KDM4C: variants seen among roughly 807,000 people sequenced by gnomAD.
The protein encoded by KDM4C is lysine demethylase 4C, also known as lysine-specific demethylase 4C.
A neutral mutation model predicts 129.3 loss-of-function variants in KDM4C; 81 were observed. The ratio of observed to expected loss-of-function variants is 0.63; its 90% CI spans 0.52 to 0.75. The LOEUF (loss-of-function observed/expected upper bound fraction) is 0.75, where lower values mean the gene tolerates loss of function less well. Among genes scored for constraint, KDM4C ranks in the 30% least tolerant of loss-of-function variants. The pLI, the probability that KDM4C is intolerant of heterozygous loss-of-function variation, is 0.00. For missense variants in KDM4C, 1,457 were observed against 1,304.0 expected (o/e 1.12, Z -1.81); for synonymous variants, 573 against 456.1 (o/e 1.26, Z -3.26).
intron 2 of KDM4C, among the ~76,000 whole-genome samples, chr9:6,798,788 G>A (rs1256200879): frequency 6.6e-6 from 1 of 152,290 alleles, no homozygotes; most frequent in Non-Finnish European, 1.5e-5. Context: ...GCCGGGCAGA[G>A]GGGCTCCTCA....
intron 4 of KDM4C, among the ~76,000 whole-genome samples, chr9:6,831,653 C>CTTTA (rs1834856214): frequency 6.6e-6 from 1 of 152,086 alleles, no homozygotes; most frequent in East Asian, 1.9e-4. Context: ...ATGATGAGAT[C>CTTTA]TTTACCCTCA....
chr9:6,747,253 C>T (rs1353376091), intron 1 of KDM4C, among the ~76,000 whole-genome samples: 2 of 151,344 alleles, frequency 1.3e-5, no homozygotes, highest in Non-Finnish European at 2.9e-5. Context: ...ATTTAAGACA[C>T]AAGAATATAG....
At chr9:6,722,517 A>ATTT (rs71315551) in intron 1 of KDM4C, among the ~76,000 whole-genome samples, 1 of 134,712 alleles carries the variant, frequency 7.4e-6, no homozygotes, top group Non-Finnish European at 1.7e-5. Context: ...ATGTCTATAT[A>ATTT]TTTTTTTTTT....
chr9:7,051,921 T>C (rs1317777997), intron 17 of KDM4C, among the ~76,000 whole-genome samples: 1 of 152,208 alleles, frequency 6.6e-6, no homozygotes, highest in African/African-American at 2.4e-5. Flanking sequence ...TGGAGGACTG[T>C]CATGTGCATC....
intron 12 of KDM4C, among the ~76,000 whole-genome samples, chr9:7,002,811 G>A (rs948293533): frequency 6.6e-6 from 1 of 152,196 alleles, no homozygotes; most frequent in Non-Finnish European, 1.5e-5. Flanking sequence ...AAGCTAGTAA[G>A]TGGTAGATAA....
intron 8 of KDM4C, among the ~76,000 whole-genome samples, chr9:6,959,861 C>G (rs971230388): frequency 6.6e-5 from 10 of 151,996 alleles, no homozygotes; most frequent in Admixed American, 2.0e-4. Context: ...TATTTAAAGC[C>G]TCTTAAAATG....
At chr9:6,980,224 A>T (rs1031780047) in intron 8 of KDM4C, among the ~76,000 whole-genome samples, 3 of 152,214 alleles carry the variant, frequency 2.0e-5, no homozygotes, top group Admixed American at 6.5e-5. Context: ...TGAAGTCTTT[A>T]TAGAAAACTT....
Position 7,013,816 on chromosome 9 carries a change from C to G in KDM4C, c.1997C>G (p.Ala666Gly). Residue 666 changes from alanine to glycine, a missense_variant, in exon 14 of 22, where the codon GCT becomes GGT. Coordinates refer to ENST00000381309, the MANE Select transcript of KDM4C (RefSeq NM_015061.6). ...KPDSSNEEND[A>G]RWETKLDEVV... ...GATAGCAGCAATGAAGAAAATGATG[C>G]TAGATGGGAGACAAAATTAGATGAA... The G allele has an allele frequency of 6.2e-7, 1 of 1,613,836 alleles. No homozygotes were observed. The highest frequency in any genetic ancestry group is 1.1e-5 in the South Asian group (1 of 91,056).
intron 17 of KDM4C, among the ~76,000 whole-genome samples, chr9:7,084,565 A>G (rs888304388): frequency 3.9e-5 from 6 of 152,190 alleles, no homozygotes; most frequent in South Asian, 2.1e-4. Context: ...TAAGGCTGCT[A>G]TCATCAATGA....
chr9:6,835,110 T>C, intron 4 of KDM4C: 4 of 1,008,738 alleles, frequency 4.0e-6, no homozygotes, highest in Non-Finnish European at 6.4e-6. Flanking sequence ...GCTATGTTGC[T>C]CTGGCCTTCG....
Position 6,941,159 on chromosome 9 carries a change from C to A in KDM4C, c.922-39766C>A, listed in dbSNP as rs1259825346. ...GATTCTTGTGCCTCAGCCTCCCAAG[C>A]CACCATGCCCAGCTAATTTTTGTAT... On this transcript the variant is annotated intron_variant, in intron 8 of 21. Coordinates refer to ENST00000381309, the MANE Select transcript of KDM4C (RefSeq NM_015061.6). Among the ~76,000 whole-genome samples the A allele has an allele frequency of 2.0e-5, 3 of 151,992 alleles. No individual in the cohort carries two copies. The East Asian group carries it at 5.8e-4, about 29-fold the overall frequency.
intron 1 of KDM4C, among the ~76,000 whole-genome samples, chr9:6,762,888 A>T (rs1819839487): frequency 6.6e-6 from 1 of 151,674 alleles, no homozygotes; most frequent in Non-Finnish European, 1.5e-5. Flanking sequence ...CGAATTCTTG[A>T]CCTCAGGTGA....
intron 17 of KDM4C, among the ~76,000 whole-genome samples, chr9:7,068,054 C>T (rs947338741): frequency 6.6e-6 from 1 of 152,158 alleles, no homozygotes; most frequent in Non-Finnish European, 1.5e-5. Flanking sequence ...CCTCGGCCTC[C>T]CAAAGTGCTG....
intron 1 of KDM4C, chr9:6,735,001 G>T: frequency 1.8e-6 from 1 of 542,294 alleles, no homozygotes; most frequent in Non-Finnish European, 3.7e-6. Flanking sequence ...ATAGGGTTTG[G>T]GTATTACTGC....
intron 18 of KDM4C, among the ~76,000 whole-genome samples, chr9:7,117,661 A>G (rs1839056735): frequency 7.3e-6 from 1 of 136,984 alleles, no homozygotes; most frequent in South Asian, 2.2e-4. Context: ...ACACACACAC[A>G]CACACACTGC....
chr9:6,948,908 T>G (rs1330481323), intron 8 of KDM4C, among the ~76,000 whole-genome samples: 2 of 152,172 alleles, frequency 1.3e-5, no homozygotes, highest in Non-Finnish European at 2.9e-5. Flanking sequence ...AGCAACAATC[T>G]GATTTCTCTA....
At chr9:7,135,559 C>G (rs767394803) in intron 19 of KDM4C, among the ~76,000 whole-genome samples, 17 of 152,098 alleles carry the variant, frequency 1.1e-4, no homozygotes, top group Admixed American at 4.6e-4. Context: ...TGAGCCAAAT[C>G]CACTCCATGT....
rs761871855 is a variant in KDM4C, at chr9:6,849,554, G to A, written c.483G>A (p.Val161=). Residue 161 remains valine, a synonymous_variant, in exon 5 of 22, where the codon GTG becomes GTA. Coordinates refer to ENST00000381309, the MANE Select transcript of KDM4C (RefSeq NM_015061.6). ...CTCGCCTCAATACAGTCTTGGATGT[G>A]GTTGAAGAAGAGTGTGGCATTTCTA... ...NIARLNTVLD[V]VEEECGISIE... 1.2e-6 allele frequency: 2 copies of A among 1,613,208 alleles called. No homozygotes were observed. The highest frequency in any genetic ancestry group is 2.2e-5 in the South Asian group (2 of 90,998).
At chr9:7,036,844 A>G (rs1402655319) in intron 15 of KDM4C, among the ~76,000 whole-genome samples, 2 of 152,218 alleles carry the variant, frequency 1.3e-5, no homozygotes, top group Non-Finnish European at 1.5e-5. Flanking sequence ...AGAGCACATC[A>G]TGGTGATTAA....
Sources: allele counts gnomAD v4.1 joint callset (sites outside exome capture counted in the v4.1 genomes callset), GRCh38; gene constraint gnomAD v4.1.1; transcripts MANE v1.5; gene names NCBI Gene and HGNC (gene_info 2026-07-23, HGNC 2026-07-21).